The following STK39 variants were observed in gnomAD, a reference collection of about 807,000 sequenced individuals.
STK39 encodes the protein serine/threonine kinase 39.
Under a neutral mutation model 77.8 loss-of-function variants are expected in STK39, and 20 were observed. That is an observed-to-expected ratio of 0.26 (90% confidence interval 0.18 to 0.37). The LOEUF (loss-of-function observed/expected upper bound fraction) is 0.37. STK39 is among the 10% of genes least tolerant of loss of function. The pLI, the probability that STK39 is intolerant of heterozygous loss-of-function variation, is 1.00. For synonymous variants in STK39, 246 were observed against 234.1 expected (o/e 1.05, Z -0.47); for missense variants, 479 against 656.5 (o/e 0.73, Z 2.95).
intron 14 of STK39, among the ~76,000 whole-genome samples, chr2:168,041,665 G>A (rs1297806453): frequency 6.6e-6 from 1 of 152,080 alleles, no homozygotes; most frequent in Admixed American, 6.5e-5. Flanking sequence ...TTTAGATGGT[G>A]GTCAGAACTC....
At position 168,208,664 on chromosome 2, in the gene STK39, CCTT is replaced by C. The variant is rs1329990921; in HGVS notation, c.209-26577_209-26575del. Among the ~76,000 whole-genome samples the C allele has an allele frequency of 5.9e-5, 9 of 152,336 alleles. No homozygotes were observed. In the East Asian group the frequency reaches 1.7e-3, roughly 29 times the overall value. ...ACATTACTAGGGCTTACAAATGTCT[CCTT>C]CTTGAGCACAAAAGCACTGCACTAC... On this transcript the variant is annotated intron_variant, in intron 1 of 17. Transcript: ENST00000355999.
At chr2:168,235,143 T>C (rs1377023988) in intron 1 of STK39, among the ~76,000 whole-genome samples, 1 of 151,926 alleles carries the variant, frequency 6.6e-6, no homozygotes, top group East Asian at 1.9e-4. Flanking sequence ...GTTCAGGCAA[T>C]TCTTCTGCTT....
At chr2:168,177,397 C>G (rs1354155882) in intron 2 of STK39, among the ~76,000 whole-genome samples, 1 of 151,760 alleles carries the variant, frequency 6.6e-6, no homozygotes, top group Non-Finnish European at 1.5e-5. Context: ...GAATGGGTAC[C>G]AAAGGCAGAC....
rs781487220 is a variant in STK39, at chr2:168,161,800, T to C, written c.615A>G (p.Ser205=). 4 of 1,609,118 alleles carry C rather than the reference T, an allele frequency of 2.5e-6. No individual in the cohort carries two copies. The African/African-American group carries it at 4.0e-5, about 16-fold the overall frequency. ...AGNILLGEDG[S]VQIADFGVSA... ...TATCAGCTTTACCTGCTATTTGTAC[T>C]GAACCATCCTCACCCAGAAGAATAT... Residue 205 remains serine (S), a synonymous_variant, in exon 5 of 18, where the codon TCA becomes TCG. Transcript: ENST00000355999.
chr2:168,104,153 G>A (rs1686908531), intron 10 of STK39, among the ~76,000 whole-genome samples: 1 of 152,156 alleles, frequency 6.6e-6, no homozygotes, highest in African/African-American at 2.4e-5. Flanking sequence ...ATAAAGAGAT[G>A]GCTGAAAGGA....
intron 10 of STK39, among the ~76,000 whole-genome samples, chr2:168,082,578 C>T (rs897239805): frequency 6.6e-6 from 1 of 152,098 alleles, no homozygotes; most frequent in Admixed American, 6.6e-5. Flanking sequence ...AATATTTCTC[C>T]TCCTACCTCT....
intron 16 of STK39, among the ~76,000 whole-genome samples, chr2:167,980,513 T>G (rs1055285094): frequency 1.3e-5 from 2 of 152,184 alleles, no homozygotes; most frequent in African/African-American, 4.8e-5. Context: ...TCTACGGATA[T>G]GAGGAATGCT....
intron 10 of STK39, among the ~76,000 whole-genome samples, chr2:168,086,885 A>G (rs575959108): frequency 1.2e-4 from 19 of 152,238 alleles, no homozygotes; most frequent in Non-Finnish European, 2.5e-4. Context: ...CTTATTCTGC[A>G]TCAGTCCTAT....
intron 1 of STK39, among the ~76,000 whole-genome samples, chr2:168,217,672 G>T (rs1030162245): frequency 6.9e-4 from 105 of 152,090 alleles, no homozygotes; most frequent in African/African-American, 2.5e-3. Context: ...CATGTCTAGA[G>T]TAATACCTAA....
chr2:168,013,993 T>G (rs1003251760), intron 15 of STK39, among the ~76,000 whole-genome samples: 3 of 152,002 alleles, frequency 2.0e-5, no homozygotes, highest in Non-Finnish European at 4.4e-5. Flanking sequence ...AAAGATCATT[T>G]GAAACACACC....
chr2:168,000,618 T>C (rs539159536), intron 16 of STK39, among the ~76,000 whole-genome samples: 2 of 152,322 alleles, frequency 1.3e-5, no homozygotes, highest in East Asian at 3.9e-4. Flanking sequence ...TGTGAGGAAT[T>C]GATAGTCAAC....
At chr2:168,219,324 C>G (rs1237118180) in intron 1 of STK39, among the ~76,000 whole-genome samples, 17 of 151,972 alleles carry the variant, frequency 1.1e-4, no homozygotes, top group Admixed American at 1.0e-3. Context: ...TCGGTGTGTT[C>G]AGATACTTTC....
intron 5 of STK39, among the ~76,000 whole-genome samples, chr2:168,149,777 G>T (rs1435560457): frequency 1.3e-5 from 2 of 152,220 alleles, no homozygotes; most frequent in Non-Finnish European, 2.9e-5. Context: ...CATGCCAGAA[G>T]CACAAATTAA....
intron 10 of STK39, among the ~76,000 whole-genome samples, chr2:168,118,816 T>TA (rs902255952): frequency 6.6e-6 from 1 of 150,982 alleles, no homozygotes. Flanking sequence ...CCTGTCCAGA[T>TA]TCTTAGTCAA....
intron 14 of STK39, among the ~76,000 whole-genome samples, chr2:168,038,832 A>G (rs1414464517): frequency 1.3e-5 from 2 of 152,194 alleles, no homozygotes; most frequent in Non-Finnish European, 2.9e-5. Flanking sequence ...ATGAAAGTTA[A>G]AACTATAATA....
chr2:168,119,138 C>T (rs1302768120), intron 10 of STK39, among the ~76,000 whole-genome samples: 1 of 152,092 alleles, frequency 6.6e-6, no homozygotes, highest in African/African-American at 2.4e-5. Flanking sequence ...CGGTTTTAAG[C>T]GAGAGGATGG....
At chr2:168,241,124 G>A (rs1243261334) in intron 1 of STK39, among the ~76,000 whole-genome samples, 1 of 152,228 alleles carries the variant, frequency 6.6e-6, no homozygotes, top group Non-Finnish European at 1.5e-5. Flanking sequence ...GAAGTAGGGA[G>A]AGTGTTTTGT....
intron 8 of STK39, among the ~76,000 whole-genome samples, chr2:168,136,916 T>C (rs1037587032): frequency 2.6e-5 from 4 of 152,140 alleles, no homozygotes; most frequent in Admixed American, 6.6e-5. Flanking sequence ...AAAATAATCA[T>C]CCCTTTTACA....
intron 16 of STK39, among the ~76,000 whole-genome samples, chr2:167,991,224 A>T (rs561418600): frequency 1.8e-4 from 28 of 152,332 alleles, no homozygotes; most frequent in Admixed American, 1.0e-3. Flanking sequence ...TTCCCCAGTG[A>T]TAGGACTGGT....
Sources: allele counts gnomAD v4.1 joint callset (sites outside exome capture counted in the v4.1 genomes callset), GRCh38; gene constraint gnomAD v4.1.1; transcripts MANE v1.5; gene names NCBI Gene and HGNC (gene_info 2026-07-23, HGNC 2026-07-21).